POLR2F: variants seen among roughly 807,000 people sequenced by gnomAD.
The protein encoded by POLR2F is DNA-directed RNA polymerases I, II, and III subunit RPABC2.
In POLR2F, 12 loss-of-function variants were observed where a neutral mutation model predicts 22.7. The observed-to-expected ratio is 0.53, with a 90% CI of 0.34 to 0.86. POLR2F has a LOEUF of 0.86. POLR2F is among the 40% of genes least tolerant of loss of function. POLR2F has a pLI of 0.02. For synonymous variants in POLR2F, 57 were observed against 66.0 expected, an observed-to-expected ratio of 0.86 and a Z score of 0.66; for missense variants, 126 against 171.5, an observed-to-expected ratio of 0.73 and a Z score of 1.48.
intron 4 of POLR2F, 115 bp downstream of exon 4, chr22:37,967,285 A>G: frequency 6.4e-7 from 1 of 1,552,686 alleles, no homozygotes; most frequent in Non-Finnish European, 8.7e-7. Context: ...GCTTATTCCT[A>G]CAGATCCTTA....
At chr22:38,009,496 G>A (rs1255863488) in intron 1 of POLR2F, among the ~76,000 whole-genome samples, 2 of 152,122 alleles carry the variant, frequency 1.3e-5, no homozygotes, top group East Asian at 1.9e-4. Context: ...TTAAAATTAC[G>A]TTTTTGACAG....
At chr22:38,005,795 A>G (rs908098759) in intron 1 of POLR2F, among the ~76,000 whole-genome samples, 1 of 152,280 alleles carries the variant, frequency 6.6e-6, no homozygotes. Flanking sequence ...AGATGAGTAC[A>G]GAACTTAGAC....
At chr22:38,001,249 G>A (rs1218598988) in intron 1 of POLR2F, among the ~76,000 whole-genome samples, 7 of 152,190 alleles carry the variant, frequency 4.6e-5, no homozygotes, top group Admixed American at 3.3e-4. Context: ...GCTCAAGAAC[G>A]GTAACACATG....
At chr22:38,019,616 TG>T (rs1194426145) in intron 1 of POLR2F, among the ~76,000 whole-genome samples, 1 of 151,998 alleles carries the variant, frequency 6.6e-6, no homozygotes, top group Non-Finnish European at 1.5e-5. Flanking sequence ...GCGGACATGG[TG>T]GGGGGGCACC....
At chr22:37,965,710 ATAAAAT>A (rs1931827709) in intron 3 of POLR2F, among the ~76,000 whole-genome samples, 1 of 152,202 alleles carries the variant, frequency 6.6e-6, no homozygotes. Context: ...ATATTTAGTA[ATAAAAT>A]TAGTAAGCTG....
intron 3 of POLR2F, among the ~76,000 whole-genome samples, chr22:37,962,046 C>T (rs943445522): frequency 2.0e-5 from 3 of 152,104 alleles, no homozygotes; most frequent in Non-Finnish European, 2.9e-5. Context: ...GCCTGGGCAA[C>T]ATGGTGAAAC....
At chr22:37,982,660 G>A (rs549023957), upstream of POLR2F, among the ~76,000 whole-genome samples, 30 of 152,198 alleles carry the variant, frequency 2.0e-4, no homozygotes, top group Middle Eastern at 3.4e-3. Context: ...GGAAGATGGC[G>A]CCGAACTGGG....
chr22:37,954,074 T>C (rs1444083839), intron 1 of POLR2F, among the ~76,000 whole-genome samples: 1 of 152,176 alleles, frequency 6.6e-6, no homozygotes, highest in Non-Finnish European at 1.5e-5. Flanking sequence ...CCGGGCTCTG[T>C]ATCATGCAGT....
Position 37,964,572 on chromosome 22 carries a change from C to T in POLR2F, c.222-2527C>T, listed in dbSNP as rs1291313548. Among the ~76,000 whole-genome samples the T allele has an allele frequency of 6.1e-5, 8 of 131,292 alleles. No individual in the cohort carries two copies. In the South Asian group the frequency reaches 9.6e-4, roughly 16 times the overall value. 86.1% of individuals were successfully genotyped at this position (131,292 alleles called of 152,430 possible). On this transcript the variant is annotated intron_variant, in intron 3 of 4. Coordinates refer to ENST00000442738, the MANE Select transcript of POLR2F (RefSeq NM_021974.5). Reference sequence around the variant, plus strand: ...CTGTTTTTCTTTTCTTTCTTTCTTTCTTTTTTTTTTTTTTTTGAGATGGAG... The same window carrying T: ...CTGTTTTTCTTTTCTTTCTTTCTTTTTTTTTTTTTTTTTTTTGAGATGGAG...
At chr22:37,964,707 G>A (rs1931787553) in intron 3 of POLR2F, among the ~76,000 whole-genome samples, 1 of 151,866 alleles carries the variant, frequency 6.6e-6, no homozygotes, top group African/African-American at 2.4e-5. Flanking sequence ...GAGTAGCTGG[G>A]ATTACAGGCA....
intron 3 of POLR2F, among the ~76,000 whole-genome samples, chr22:37,962,258 C>A (rs1002517639): frequency 6.6e-6 from 1 of 151,498 alleles, no homozygotes; most frequent in African/African-American, 2.4e-5. Context: ...AAAAAAAAAA[C>A]AAAGGAAAGC....
chr22:37,992,185 T>G (rs1932740704), intron 1 of POLR2F, among the ~76,000 whole-genome samples: 7 of 152,178 alleles, frequency 4.6e-5, no homozygotes, highest in Admixed American at 4.6e-4. Context: ...CTGTGTGTCC[T>G]TGGCAAATGA....
intron 1 of POLR2F, among the ~76,000 whole-genome samples, chr22:38,003,710 G>C (rs752624496): frequency 6.6e-6 from 1 of 151,882 alleles, no homozygotes; most frequent in African/African-American, 2.4e-5. Flanking sequence ...CCAAGTAGCT[G>C]GGATTACTGG....
chr22:37,969,257 T>C lies in POLR2F; in HGVS notation c.*1542T>C. ...TCCTCTTTTGGGGAGTCCCCTGCTA[T>C]TCAGCTGTCTGGGCCTGGCTTTTGA... On this transcript the variant is annotated 3_prime_UTR_variant, in exon 5 of 5. Transcript: ENST00000442738. 1.0e-6 allele frequency: 1 copy of C among 985,366 alleles called. No individual in the cohort carries two copies. Among genetic ancestry groups the C allele is most frequent in the Non-Finnish European group, 1.2e-6 (1 of 829,862 alleles). The allele number at this position is 985,366 out of a possible 1,614,324, so 61.0% of individuals were successfully genotyped here.
chr22:37,987,435 C>T (rs1932615735), intron 1 of POLR2F: 1 of 382,182 alleles, frequency 2.6e-6, no homozygotes, highest in African/African-American at 2.1e-5. Flanking sequence ...CTCCCAAGTC[C>T]TCTTCCTGAG....
At chr22:38,024,881 A>G in intron 1 of POLR2F, among the ~76,000 whole-genome samples, 1 of 152,032 alleles carries the variant, frequency 6.6e-6, no homozygotes, top group East Asian at 1.9e-4. Context: ...AGAGGAGTCC[A>G]CGGAGGGAAG....
intron 1 of POLR2F, chr22:38,025,442 T>G: frequency 1.6e-6 from 2 of 1,255,794 alleles, no homozygotes; most frequent in Non-Finnish European, 1.1e-6. Flanking sequence ...GTGCACACAC[T>G]GATTCATATA....
intron 1 of POLR2F, among the ~76,000 whole-genome samples, chr22:37,990,115 C>A (rs959183795): frequency 6.6e-6 from 1 of 152,290 alleles, no homozygotes; most frequent in East Asian, 1.9e-4. Flanking sequence ...TTCCCTGAGC[C>A]GAGTTGCTGT....
chr22:37,965,808 C>A (rs1931830489), intron 3 of POLR2F, among the ~76,000 whole-genome samples: 1 of 152,214 alleles, frequency 6.6e-6, no homozygotes, highest in Non-Finnish European at 1.5e-5. Flanking sequence ...ACTAGAGATT[C>A]TATTCCGGGG....
Sources: gnomAD v4.1 joint callset for allele counts (sites outside exome capture counted in the v4.1 genomes callset) on GRCh38, gnomAD v4.1.1 for gene constraint, MANE v1.5 for transcripts, NCBI Gene and HGNC (gene_info 2026-07-23, HGNC 2026-07-21) for gene names.